Variants in TMCO1 observed in about 807,000 individuals in gnomAD.
The protein encoded by TMCO1 is transmembrane and coiled-coil domains 1.
Under a neutral mutation model 29.3 loss-of-function variants are expected in TMCO1, and 29 were observed. That is an observed-to-expected ratio of 0.99 (90% confidence interval 0.74 to 1.35). The LOEUF (loss-of-function observed/expected upper bound fraction) is 1.35. Ranked by LOEUF, TMCO1 falls within the 40% of genes most tolerant of loss-of-function variation. TMCO1 has a pLI of 0.00. For missense variants in TMCO1, 173 were observed against 225.5 expected, an observed-to-expected ratio of 0.77 and a Z score of 1.49; for synonymous variants, 80 against 77.1, an observed-to-expected ratio of 1.04 and a Z score of -0.20.
At chr1:165,764,802 G>C (rs535960500) in intron 2 of TMCO1, among the ~76,000 whole-genome samples, 1 of 152,166 alleles carries the variant, frequency 6.6e-6, no homozygotes, top group South Asian at 2.1e-4. Context: ...AATCAGATTT[G>C]TGTTTTAAAA....
intron 2 of TMCO1, among the ~76,000 whole-genome samples, chr1:165,761,822 T>G (rs984803550): frequency 6.9e-6 from 1 of 144,686 alleles, no homozygotes. Context: ...GGTGGTGCAC[T>G]CCTGTGGTCC....
chr1:165,727,362 G>A lies in TMCO1; in HGVS notation c.*661C>T, dbSNP rs919358636. 27 of 453,280 alleles carry A rather than the reference G, an allele frequency of 6.0e-5. No individual in the cohort carries two copies. Among genetic ancestry groups the A allele is most frequent in the East Asian group, 4.2e-4 (6 of 14,396 alleles). 28.1% of individuals were successfully genotyped at this position (453,280 alleles called of 1,614,324 possible). A position where few individuals can be genotyped will look rare whatever the true frequency, so the allele number is the denominator to read the frequency against. On this transcript the variant is annotated 3_prime_UTR_variant, in exon 7 of 7. Transcript: ENST00000367881. ...TTTTTAAACTCCAACGAGTTATTAC[G>A]TTCCTTTCCACTCTTGCTTTCCAAT...
At chr1:165,738,491 T>G (rs1402058018) in intron 6 of TMCO1, among the ~76,000 whole-genome samples, 1 of 152,126 alleles carries the variant, frequency 6.6e-6, no homozygotes, top group Non-Finnish European at 1.5e-5. Flanking sequence ...CAACAACATG[T>G]AACCTAAGAT....
At chr1:165,745,713 T>C (rs1293532165) in intron 5 of TMCO1, among the ~76,000 whole-genome samples, 1 of 152,102 alleles carries the variant, frequency 6.6e-6, no homozygotes, top group African/African-American at 2.4e-5. Flanking sequence ...TTGTCCAATA[T>C]AATCAAAACA....
chr1:165,752,252 A>AT lies in TMCO1; in HGVS notation c.256-84dup, dbSNP rs773982057. 25,502 of 418,754 alleles carry AT rather than the reference A, an allele frequency of 0.061. 9 individuals are homozygous for AT. The highest frequency in any genetic ancestry group is 0.077 in the South Asian group (3,277 of 42,494). 25.9% of individuals were successfully genotyped at this position (418,754 alleles called of 1,614,324 possible). A position where few individuals can be genotyped will look rare whatever the true frequency, so the allele number is the denominator to read the frequency against. On this transcript the variant is annotated intron_variant, in intron 4 of 6. Transcript: ENST00000367881. ...ATCTCAAAAGTTTTGGTTTCATGTC[A>AT]TTTTTTTTTTTTTTTTTTTTGAGGC...
chr1:165,766,750 C>T (rs1331147813), intron 2 of TMCO1, among the ~76,000 whole-genome samples: 2 of 146,824 alleles, frequency 1.4e-5, no homozygotes, highest in East Asian at 2.0e-4. Context: ...CAGAGTGAGA[C>T]CCTGTCTCAA....
intron 5 of TMCO1, among the ~76,000 whole-genome samples, chr1:165,744,812 A>AAAC (rs1203138388): frequency 0.013 from 1,841 of 138,654 alleles, 49 homozygotes; most frequent in African/African-American, 0.048. Context: ...AAAAAAAAAA[A>AAAC]TTTCAATTCT....
intron 6 of TMCO1, among the ~76,000 whole-genome samples, chr1:165,732,194 T>G (rs533349743): frequency 1.9e-4 from 29 of 152,192 alleles, no homozygotes; most frequent in Admixed American, 7.2e-4. Context: ...CTACACACTT[T>G]AAAGTTTGCA....
At chr1:165,754,137 T>C in intron 4 of TMCO1, 91 bp downstream of exon 4, 1 of 1,095,990 alleles carries the variant, frequency 9.1e-7, no homozygotes, top group Admixed American at 1.7e-5. Flanking sequence ...GATAAATTTC[T>C]GAAAAGGTGA....
At chr1:165,736,592 G>C (rs1383300264) in intron 6 of TMCO1, among the ~76,000 whole-genome samples, 1 of 151,954 alleles carries the variant, frequency 6.6e-6, no homozygotes, top group Non-Finnish European at 1.5e-5. Context: ...ATGGTAGCGG[G>C]TGCCTGTAAT....
intron 6 of TMCO1, among the ~76,000 whole-genome samples, chr1:165,730,153 G>C (rs113512076): frequency 0.017 from 1,505 of 90,450 alleles, 43 homozygotes; most frequent in African/African-American, 0.062. Context: ...AACCCCGTCT[G>C]TACTAAAAAT....
chr1:165,737,985 C>T (rs544051132), intron 6 of TMCO1, among the ~76,000 whole-genome samples: 79 of 152,284 alleles, frequency 5.2e-4, no homozygotes, highest in South Asian at 2.5e-3. Flanking sequence ...TACAAACGTT[C>T]ATGCCTCCAT....
chr1:165,736,357 G>A (rs532720217), intron 6 of TMCO1, among the ~76,000 whole-genome samples: 14 of 152,148 alleles, frequency 9.2e-5, no homozygotes, highest in East Asian at 1.9e-4. Context: ...TCAACCTATC[G>A]TTTACATTAT....
At chr1:165,724,610 C>T (rs60978388), downstream of TMCO1, 3,219 of 454,014 alleles carry the variant, frequency 7.1e-3, 88 homozygotes, top group African/African-American at 0.06. Flanking sequence ...AGTTTGTGTT[C>T]TAACAAGGCT....
At chr1:165,768,130 G>T in intron 2 of TMCO1, 62 bp downstream of exon 2, 1 of 1,341,916 alleles carries the variant, frequency 7.5e-7, no homozygotes. Context: ...AATATTTATT[G>T]TGAACATGGA....
rs548152171 is a variant in TMCO1 at position 165,768,736 on chromosome 1, C to G, written c.16G>C (p.Ala6Pro). Reference protein sequence around the residue: MSTMFADTLLIVFISV... With the variant: MSTMFPDTLLIVFISV... ...ATAAAAACGATGAGGAGAGTGTCCG[C>G]GAACATAGTGCTCATCTCGCACCTT... The change falls in exon 1 of 7, where the codon GCG becomes CCG. Residue 6 changes from alanine (A) to proline (P), a missense_variant. Physicochemically the swap from Ala to Pro is conservative, Grantham distance 27. Transcript: ENST00000367881. 3 of 1,614,140 alleles carry G rather than the reference C, an allele frequency of 1.9e-6. No individual in the cohort carries two copies. Among genetic ancestry groups the G allele is most frequent in the South Asian group, 2.2e-5 (2 of 91,078 alleles).
intron 6 of TMCO1, among the ~76,000 whole-genome samples, chr1:165,736,358 T>C (rs1293449838): frequency 1.3e-5 from 2 of 152,176 alleles, no homozygotes; most frequent in African/African-American, 4.8e-5. Flanking sequence ...CAACCTATCG[T>C]TTACATTATC....
intron 5 of TMCO1, among the ~76,000 whole-genome samples, chr1:165,746,308 CAA>C (rs67433376): frequency 1.6e-3 from 193 of 123,410 alleles, no homozygotes; most frequent in East Asian, 2.6e-3. Flanking sequence ...GACTCCATCT[CAA>C]AAAAAAAAAA....
chr1:165,744,398 C>A (rs1264623791), intron 5 of TMCO1, among the ~76,000 whole-genome samples: 1 of 152,186 alleles, frequency 6.6e-6, no homozygotes, highest in African/African-American at 2.4e-5. Flanking sequence ...AACCACTAAG[C>A]TCCTCATTGT....
Sources: gnomAD v4.1 joint callset for allele counts (sites outside exome capture counted in the v4.1 genomes callset) on GRCh38, gnomAD v4.1.1 for gene constraint, MANE v1.5 for transcripts, NCBI Gene and HGNC (gene_info 2026-07-23, HGNC 2026-07-21) for gene names.